Variants in OPCML observed in about 807,000 individuals in gnomAD.
OPCML encodes opioid-binding protein/cell adhesion molecule.
Under a neutral mutation model 37.8 loss-of-function variants are expected in OPCML, and 13 were observed. The ratio of observed to expected loss-of-function variants is 0.34; its 90% CI spans 0.22 to 0.55. OPCML has a LOEUF of 0.55. OPCML is among the 20% of genes least tolerant of loss of function. The pLI is 0.91. For missense variants in OPCML, 341 were observed against 435.6 expected (o/e 0.78, Z 1.93); for synonymous variants, 176 against 168.8 (o/e 1.04, Z -0.33).
At chr11:132,968,861 T>C (rs188526054) in intron 1 of OPCML, among the ~76,000 whole-genome samples, 1 of 152,302 alleles carries the variant, frequency 6.6e-6, no homozygotes, top group East Asian at 1.9e-4. Flanking sequence ...ATTAATATGC[T>C]TTTCTTCCCT....
intron 1 of OPCML, among the ~76,000 whole-genome samples, chr11:133,334,314 GA>G (rs926484045): frequency 1.3e-4 from 19 of 151,838 alleles, no homozygotes; most frequent in South Asian, 2.1e-4. Flanking sequence ...ATGCAGCAGT[GA>G]AAAAAAAGAA....
At chr11:133,422,448 G>A in intron 1 of OPCML, 7 of 977,352 alleles carry the variant, frequency 7.2e-6, no homozygotes, top group Non-Finnish European at 8.4e-6. Context: ...TTGTGGAGAG[G>A]AGTCTTGGGA....
intron 1 of OPCML, among the ~76,000 whole-genome samples, chr11:133,037,010 G>C (rs767935606): frequency 6.6e-6 from 1 of 152,050 alleles, no homozygotes; most frequent in Non-Finnish European, 1.5e-5. Flanking sequence ...TGTTTCTCCC[G>C]GCCACCCTGG....
At chr11:133,148,765 A>G (rs908139044) in intron 1 of OPCML, among the ~76,000 whole-genome samples, 9 of 152,188 alleles carry the variant, frequency 5.9e-5, no homozygotes, top group African/African-American at 2.2e-4. Context: ...TGAGCTGTCC[A>G]GGATCAGAGA....
At chr11:132,964,829 C>A (rs1029182761) in intron 1 of OPCML, among the ~76,000 whole-genome samples, 1 of 152,230 alleles carries the variant, frequency 6.6e-6, no homozygotes, top group African/African-American at 2.4e-5. Flanking sequence ...AGAGAGGAAG[C>A]TGTTATACGC....
chr11:132,745,352 T>C (rs975216479), intron 2 of OPCML, among the ~76,000 whole-genome samples: 1 of 152,068 alleles, frequency 6.6e-6, no homozygotes, highest in Non-Finnish European at 1.5e-5. Flanking sequence ...ATTAAAATAC[T>C]GTTAATGATG....
chr11:133,288,837 G>GAC (rs1411840379), intron 1 of OPCML, among the ~76,000 whole-genome samples: 8 of 152,174 alleles, frequency 5.3e-5, no homozygotes, highest in Non-Finnish European at 7.4e-5. Flanking sequence ...AGACTGGGGT[G>GAC]TCGGCCAAAG....
chr11:133,219,274 G>A (rs998354798), intron 1 of OPCML, among the ~76,000 whole-genome samples: 39 of 152,154 alleles, frequency 2.6e-4, no homozygotes, highest in Admixed American at 2.0e-3. Context: ...TCTTGAAGTC[G>A]TCCACATTTT....
chr11:133,051,685 A>G (rs1327372394), intron 1 of OPCML, among the ~76,000 whole-genome samples: 1 of 152,140 alleles, frequency 6.6e-6, no homozygotes, highest in Non-Finnish European at 1.5e-5. Flanking sequence ...TTTTTCTTGT[A>G]AGCCTCTCCC....
In OPCML at chr11:133,212,954, T is replaced by A. The variant is rs1939427290; in HGVS notation, c.62-269944A>T. ...GTACCTCAAAAGCTCCAAACAATTA[T>A]GTTGATGATACTGGGCTGGACACCT... is the stretch of plus-strand genomic sequence containing the variant. On this transcript the variant is annotated intron_variant, in intron 1 of 7. Transcript: ENST00000524381. This position sits in a 1 kb window ranked among gnomAD's most constrained non-coding sequence, Gnocchi z 4.9. Among the ~76,000 whole-genome samples the A allele has an allele frequency of 6.6e-6, 1 of 152,170 alleles. No homozygotes were observed. Among genetic ancestry groups the A allele is most frequent in the Admixed American group, 6.5e-5 (1 of 15,276 alleles).
intron 4 of OPCML, among the ~76,000 whole-genome samples, chr11:132,447,874 C>T (rs1592189862): frequency 6.6e-6 from 1 of 152,358 alleles, no homozygotes; most frequent in African/African-American, 2.4e-5. Context: ...ATTCTGTGTG[C>T]TCTCTTTCTC....
At chr11:133,303,317 T>G (rs190191758) in intron 1 of OPCML, among the ~76,000 whole-genome samples, 1 of 152,240 alleles carries the variant, frequency 6.6e-6, no homozygotes, top group Non-Finnish European at 1.5e-5. Context: ...AGATCCAATT[T>G]CCTTACCAGG....
Position 132,420,083 on chromosome 11 carries a change from A to T in OPCML, c.*110T>A, listed in dbSNP as rs1472764371. 2.4e-6 allele frequency: 2 copies of T among 831,378 alleles called. No homozygotes were observed. Among genetic ancestry groups the T allele is most frequent in the Non-Finnish European group, 3.8e-6 (2 of 529,012 alleles). The allele number at this position is 831,378 out of a possible 1,614,324, so 51.5% of individuals were successfully genotyped here. ...AAAAACAAAAAGAAAACAAATCTAGAATAACAGAAAAAAACAAAAAGAAGC... is the reference window on the plus strand; with the variant it reads ...AAAAACAAAAAGAAAACAAATCTAGTATAACAGAAAAAAACAAAAAGAAGC... On this transcript the variant is annotated 3_prime_UTR_variant, in exon 8 of 8. Coordinates refer to ENST00000524381, the MANE Select transcript of OPCML (RefSeq NM_001012393.5).
chr11:132,779,884 C>T (rs977916376), intron 2 of OPCML, among the ~76,000 whole-genome samples: 2 of 152,192 alleles, frequency 1.3e-5, no homozygotes, highest in African/African-American at 4.8e-5. Context: ...CTACAATTTT[C>T]TTCTTGCTCT....
chr11:133,142,153 C>T (rs1209431499), intron 1 of OPCML, among the ~76,000 whole-genome samples: 1 of 152,190 alleles, frequency 6.6e-6, no homozygotes, highest in South Asian at 2.1e-4. Flanking sequence ...CTATTTCAAT[C>T]CACCATGTCT....
intron 2 of OPCML, among the ~76,000 whole-genome samples, chr11:132,921,186 C>CT (rs1944787246): frequency 6.6e-6 from 1 of 152,164 alleles, no homozygotes; most frequent in South Asian, 2.1e-4. Flanking sequence ...TTTCCCTCAG[C>CT]TTTTTTGTTT....
chr11:133,111,366 C>T (rs1409717056), intron 1 of OPCML, among the ~76,000 whole-genome samples: 7 of 152,118 alleles, frequency 4.6e-5, no homozygotes, highest in Non-Finnish European at 1.5e-5. Flanking sequence ...AAATATGACT[C>T]CCTTTCTTTT....
intron 1 of OPCML, among the ~76,000 whole-genome samples, chr11:133,395,464 C>A (rs1282711266): frequency 6.6e-6 from 1 of 152,136 alleles, no homozygotes; most frequent in African/African-American, 2.4e-5. Flanking sequence ...CTGAAGAAAT[C>A]TTTGCCCAGT....
intron 1 of OPCML, among the ~76,000 whole-genome samples, chr11:133,331,279 G>T (rs1943613610): frequency 6.6e-6 from 1 of 152,108 alleles, no homozygotes; most frequent in South Asian, 2.1e-4. Flanking sequence ...ATTGGCTGTG[G>T]GCTGTGACTT....
Sources: gnomAD v4.1 joint callset for allele counts (sites outside exome capture counted in the v4.1 genomes callset) on GRCh38, gnomAD v4.1.1 for gene constraint, Gnocchi (gnomAD v3.1) non-coding constraint, MANE v1.5 for transcripts, NCBI Gene and HGNC (gene_info 2026-07-23, HGNC 2026-07-21) for gene names.